Variants in RP1 observed in about 807,000 individuals in gnomAD.
The protein encoded by RP1 is RP1 axonemal microtubule associated.
Under a neutral mutation model 14.8 loss-of-function variants are expected in RP1, and 16 were observed. The ratio of observed to expected loss-of-function variants is 1.08; its 90% CI spans 0.73 to 1.65. RP1 has a LOEUF of 1.65. RP1 is among the 40% of genes most tolerant of loss of function. The pLI is 0.00. For missense variants in RP1, 2,631 were observed against 2,535.0 expected, an observed-to-expected ratio of 1.04 and a Z score of -0.81; for synonymous variants, 876 against 883.6, an observed-to-expected ratio of 0.99 and a Z score of 0.15.
rs188465524 is a variant in RP1 at position 54,702,877 on chromosome 8, C to T, written c.1998+1215C>T. ...TCATCAGGAGTTTATTCTGTTTCAA[C>T]AAATTACATTCTTTGCTCATCCATA... is the stretch of plus-strand genomic sequence containing the variant. On this transcript the variant is annotated intron_variant, in intron 14 of 22. Coordinates refer to the RP1 transcript ENST00000636932. Among the ~76,000 whole-genome samples, 375 of 152,326 alleles carry T rather than the reference C, an allele frequency of 2.5e-3. 2 individuals carry two copies. The highest frequency in any genetic ancestry group is 4.1e-3 in the Non-Finnish European group (282 of 68,026).
intron 1 of RP1, among the ~76,000 whole-genome samples, chr8:54,565,363 G>A (rs1208812853): frequency 1.3e-5 from 2 of 152,108 alleles, no homozygotes; most frequent in Non-Finnish European, 2.9e-5. Context: ...TCAGGAGTTC[G>A]AGACCAGCCT....
At chr8:54,758,723 G>C (rs924249264) in intron 21 of RP1, among the ~76,000 whole-genome samples, 1 of 152,138 alleles carries the variant, frequency 6.6e-6, no homozygotes, top group African/African-American at 2.4e-5. Flanking sequence ...AAAACAGCCA[G>C]AAATATATTT....
At chr8:54,726,467 T>C in exon 17 of RP1, 1 of 1,527,698 alleles carries the variant, frequency 6.5e-7, no homozygotes, top group Non-Finnish European at 8.7e-7. Context: ...CTTACCTTCT[T>C]CAACTGCAAG....
intron 24 of RP1, among the ~76,000 whole-genome samples, chr8:54,797,536 C>CACACAT (rs1345611397): frequency 6.6e-6 from 1 of 151,394 alleles, no homozygotes; most frequent in Non-Finnish European, 1.5e-5. Context: ...ACTAAACACA[C>CACACAT]ACACACACAC....
intron 24 of RP1, among the ~76,000 whole-genome samples, chr8:54,794,364 G>T (rs1032895673): frequency 4.6e-5 from 7 of 150,986 alleles, no homozygotes; most frequent in African/African-American, 1.7e-4. Flanking sequence ...TGGCATAAAA[G>T]TAGACACAAA....
intron 16 of RP1, among the ~76,000 whole-genome samples, chr8:54,722,140 A>G (rs1356809159): frequency 1.3e-5 from 2 of 151,798 alleles, no homozygotes; most frequent in East Asian, 3.9e-4. Context: ...CTACTGGGAG[A>G]AGAATCACTT....
chr8:54,713,552 T>G (rs904999987), intron 15 of RP1, among the ~76,000 whole-genome samples: 1 of 152,190 alleles, frequency 6.6e-6, no homozygotes, highest in Non-Finnish European at 1.5e-5. Context: ...GATTCTCTCA[T>G]TGTGGATTTG....
At chr8:54,609,216 T>C (rs1035980118) in intron 1 of RP1, among the ~76,000 whole-genome samples, 3 of 151,762 alleles carry the variant, frequency 2.0e-5, no homozygotes, top group African/African-American at 7.3e-5. Context: ...TTTACATTTG[T>C]GTGGGAGGCC....
chr8:54,603,520 G>T (rs1206364312), intron 1 of RP1, among the ~76,000 whole-genome samples: 1 of 152,110 alleles, frequency 6.6e-6, no homozygotes, highest in African/African-American at 2.4e-5. Flanking sequence ...TGGCAATGAG[G>T]GCTCTTTTTT....
At chr8:54,699,610 T>G in intron 13 of RP1, 3 of 950,952 alleles carry the variant, frequency 3.2e-6, no homozygotes, top group Non-Finnish European at 4.3e-6. Flanking sequence ...ATCAATAGTA[T>G]TATGTCTGTA....
chr8:54,784,994 C>T (rs972999697), intron 24 of RP1, among the ~76,000 whole-genome samples: 22 of 151,780 alleles, frequency 1.4e-4, no homozygotes, highest in African/African-American at 5.3e-4. Context: ...CAGTGTGATG[C>T]TCCAATACAT....
chr8:54,659,061 G>T (rs1025879863), intron 6 of RP1, among the ~76,000 whole-genome samples: 5 of 151,850 alleles, frequency 3.3e-5, no homozygotes, highest in African/African-American at 1.2e-4. Flanking sequence ...TTTTTAAATT[G>T]GATTGTCTCT....
At chr8:54,617,056 A>G (rs756766149) in intron 1 of RP1, among the ~76,000 whole-genome samples, 1 of 152,244 alleles carries the variant, frequency 6.6e-6, no homozygotes, top group Non-Finnish European at 1.5e-5. Flanking sequence ...GGCAATAAAG[A>G]GTCTCTGCAG....
intron 3 of RP1, among the ~76,000 whole-genome samples, chr8:54,642,073 A>G (rs1806463301): frequency 6.6e-6 from 1 of 152,234 alleles, no homozygotes; most frequent in South Asian, 2.1e-4. Flanking sequence ...TCTGTTTGGC[A>G]TCACTTATAG....
chr8:54,763,107 A>T (rs573201403), intron 22 of RP1, among the ~76,000 whole-genome samples: 78 of 152,080 alleles, frequency 5.1e-4, no homozygotes, highest in Non-Finnish European at 9.0e-4. Context: ...GGATTCTGTA[A>T]TGTATTGTTT....
chr8:54,737,868 A>G (rs1462933857), intron 18 of RP1, among the ~76,000 whole-genome samples: 1 of 152,152 alleles, frequency 6.6e-6, no homozygotes. Flanking sequence ...AGTCAGACAT[A>G]ATATGCAAGT....
At chr8:54,742,559 A>G (rs1013808585) in intron 19 of RP1, among the ~76,000 whole-genome samples, 1 of 152,232 alleles carries the variant, frequency 6.6e-6, no homozygotes, top group Admixed American at 6.5e-5. Flanking sequence ...CATGCCCTGC[A>G]TTATGCTAGA....
At chr8:54,862,797 A>C (rs57064071) in intron 27 of RP1, among the ~76,000 whole-genome samples, 2,038 of 152,164 alleles carry the variant, frequency 0.013, 49 homozygotes, top group African/African-American at 0.046. Context: ...CTGAGAAACT[A>C]GTCACATAGT....
intron 8 of RP1, among the ~76,000 whole-genome samples, chr8:54,674,862 C>A (rs1211566858): frequency 3.3e-5 from 5 of 152,104 alleles, no homozygotes; most frequent in Non-Finnish European, 7.4e-5. Flanking sequence ...AAATTATTTG[C>A]ATATTATTTT....
Sources: gnomAD v4.1 joint callset for allele counts (sites outside exome capture counted in the v4.1 genomes callset) on GRCh38, gnomAD v4.1.1 for gene constraint, MANE v1.5 for transcripts, NCBI Gene and HGNC (gene_info 2026-07-23, HGNC 2026-07-21) for gene names.